NXPH2: variants seen among roughly 807,000 people sequenced by gnomAD.
NXPH2 encodes neurexophilin 2.
A neutral mutation model predicts 19.8 loss-of-function variants in NXPH2; 5 were observed. The observed-to-expected ratio is 0.25, with a 90% CI of 0.13 to 0.53. NXPH2 has a LOEUF of 0.53. NXPH2 is among the 20% of genes least tolerant of loss of function. The pLI is 0.96. For synonymous variants in NXPH2, 154 were observed against 127.4 expected (o/e 1.21, Z -1.41); for missense variants, 289 against 322.8 (o/e 0.90, Z 0.80).
chr2:138,705,961 A>G (rs969269278), intron 1 of NXPH2, among the ~76,000 whole-genome samples: 22 of 152,202 alleles, frequency 1.4e-4, no homozygotes, highest in African/African-American at 5.1e-4. Context: ...CATATTCCCC[A>G]TAAAAATGTA....
chr2:138,748,346 C>T (rs79292842), intron 1 of NXPH2, among the ~76,000 whole-genome samples: 1,877 of 152,282 alleles, frequency 0.012, 20 homozygotes, highest in Middle Eastern at 0.051. Flanking sequence ...TAGGTGTTAA[C>T]TCGATATCAT....
chr2:138,765,919 C>A lies in NXPH2; in HGVS notation c.51+14272G>T, dbSNP rs1682082153. Among the ~76,000 whole-genome samples the A allele has an allele frequency of 1.3e-5, 2 of 152,210 alleles. 1 individual carries two copies. Among genetic ancestry groups the A allele is most frequent in the South Asian group, 4.1e-4 (2 of 4,830 alleles). On this transcript the variant is annotated intron_variant, in intron 1 of 1. Coordinates refer to ENST00000272641, the MANE Select transcript of NXPH2 (RefSeq NM_007226.3). ...TGCTGTCTTCTACAAGGTAATTTTT[C>A]TCTCATTACTTCATTTTAAAATATG...
At chr2:138,731,508 C>A (rs1237717018) in intron 1 of NXPH2, among the ~76,000 whole-genome samples, 1 of 151,966 alleles carries the variant, frequency 6.6e-6, no homozygotes, top group Non-Finnish European at 1.5e-5. Flanking sequence ...TGGGCTTTGA[C>A]AATTTAAGGT....
At chr2:138,688,822 C>A (rs1680702357) in intron 1 of NXPH2, among the ~76,000 whole-genome samples, 1 of 152,200 alleles carries the variant, frequency 6.6e-6, no homozygotes, top group Admixed American at 6.5e-5. Context: ...ACTTGGTCAC[C>A]ACCGCCCCCC....
At chr2:138,698,428 T>C (rs1680862261) in intron 1 of NXPH2, among the ~76,000 whole-genome samples, 1 of 152,210 alleles carries the variant, frequency 6.6e-6, no homozygotes, top group African/African-American at 2.4e-5. Context: ...TTTCCCTTTA[T>C]TTTTAATGCA....
chr2:138,777,142 T>A (rs1682275775), intron 1 of NXPH2, among the ~76,000 whole-genome samples: 1 of 152,084 alleles, frequency 6.6e-6, no homozygotes, highest in South Asian at 2.1e-4. Context: ...TTATTACCAG[T>A]TACAAATCAT....
chr2:138,772,945 A>T (rs976628130), intron 1 of NXPH2, among the ~76,000 whole-genome samples: 45 of 152,242 alleles, frequency 3.0e-4, no homozygotes, highest in African/African-American at 1.0e-3. Flanking sequence ...TTCAGAGCTG[A>T]TGCACAGATT....
At chr2:138,731,267 G>T (rs1479412659) in intron 1 of NXPH2, among the ~76,000 whole-genome samples, 1 of 152,098 alleles carries the variant, frequency 6.6e-6, no homozygotes, top group Admixed American at 6.6e-5. Context: ...TATGAGTTCA[G>T]TATTGCTGTG....
intron 1 of NXPH2, among the ~76,000 whole-genome samples, chr2:138,773,320 C>T (rs1682206904): frequency 6.6e-6 from 1 of 152,196 alleles, no homozygotes; most frequent in South Asian, 2.1e-4. Context: ...TAGCCATATT[C>T]CTCAAGCCAA....
At chr2:138,730,657 G>C (rs1573969600) in intron 1 of NXPH2, among the ~76,000 whole-genome samples, 1 of 152,258 alleles carries the variant, frequency 6.6e-6, no homozygotes, top group South Asian at 2.1e-4. Context: ...GCTAGCACAA[G>C]AGTCAGACAT....
intron 1 of NXPH2, among the ~76,000 whole-genome samples, chr2:138,740,571 C>T (rs927340426): frequency 1.6e-4 from 24 of 152,156 alleles, no homozygotes; most frequent in Middle Eastern, 3.4e-3. Context: ...TCAACCATAT[C>T]GTTACGTAAC....
chr2:138,698,922 T>C (rs1255357582), intron 1 of NXPH2, among the ~76,000 whole-genome samples: 4 of 152,096 alleles, frequency 2.6e-5, no homozygotes, highest in African/African-American at 7.2e-5. Flanking sequence ...AAAAGGGTAA[T>C]GAATTTTGGG....
At chr2:138,764,045 A>G (rs1013788916) in intron 1 of NXPH2, among the ~76,000 whole-genome samples, 1 of 152,184 alleles carries the variant, frequency 6.6e-6, no homozygotes, top group Non-Finnish European at 1.5e-5. Flanking sequence ...ATACACAAAG[A>G]TGTGCACCCA....
chr2:138,706,399 A>G (rs376586110), intron 1 of NXPH2, among the ~76,000 whole-genome samples: 12 of 152,198 alleles, frequency 7.9e-5, no homozygotes, highest in African/African-American at 1.4e-4. Context: ...AGATTAACCA[A>G]TGTTCTCCAT....
intron 1 of NXPH2, among the ~76,000 whole-genome samples, chr2:138,708,511 C>A (rs571760332): frequency 6.6e-6 from 1 of 152,318 alleles, no homozygotes; most frequent in South Asian, 2.1e-4. Context: ...TAAACCAGCT[C>A]ATTTAGCAAT....
In NXPH2 at chr2:138,731,284, T is replaced by C. The variant is rs561973497; in HGVS notation, c.51+48907A>G. On this transcript the variant is annotated intron_variant, in intron 1 of 1. Transcript: ENST00000272641. Reference sequence around the variant, plus strand: ...TGAGTTCAGTATTGCTGTGTTCTTGTTAGAAAAAAATCACTGAAAGCAAAC... The same window carrying C: ...TGAGTTCAGTATTGCTGTGTTCTTGCTAGAAAAAAATCACTGAAAGCAAAC... Among the ~76,000 whole-genome samples the C allele has an allele frequency of 2.6e-5, 4 of 152,198 alleles. No homozygotes were observed. The South Asian group carries it at 8.3e-4, about 32-fold the overall frequency.
chr2:138,750,703 T>C (rs1263646151), intron 1 of NXPH2, among the ~76,000 whole-genome samples: 2 of 152,000 alleles, frequency 1.3e-5, no homozygotes, highest in African/African-American at 2.4e-5. Context: ...TGGACAAAAA[T>C]ATCACTTTAA....
chr2:138,742,267 T>G (rs1681657260), intron 1 of NXPH2, among the ~76,000 whole-genome samples: 1 of 152,168 alleles, frequency 6.6e-6, no homozygotes, highest in Non-Finnish European at 1.5e-5. Context: ...CATGAGGGGC[T>G]GGAGCTGCAA....
At chr2:138,738,804 T>C (rs1017724081) in intron 1 of NXPH2, among the ~76,000 whole-genome samples, 2 of 152,232 alleles carry the variant, frequency 1.3e-5, no homozygotes, top group African/African-American at 4.8e-5. Flanking sequence ...TTATCGCTCA[T>C]GCCACATGTA....
Sources: gnomAD v4.1 joint callset for allele counts (sites outside exome capture counted in the v4.1 genomes callset) on GRCh38, gnomAD v4.1.1 for gene constraint, MANE v1.5 for transcripts, NCBI Gene and HGNC (gene_info 2026-07-23, HGNC 2026-07-21) for gene names.